Variants in MINDY4 observed in about 807,000 individuals in gnomAD.
MINDY4 encodes the protein probable ubiquitin carboxyl-terminal hydrolase MINDY-4.
MINDY4 carries 68 observed loss-of-function variants against 87.0 expected under a neutral mutation model. The ratio of observed to expected loss-of-function variants is 0.78; its 90% CI spans 0.64 to 0.96. The LOEUF (loss-of-function observed/expected upper bound fraction) is 0.96. MINDY4 is among the 40% of genes least tolerant of loss of function. The pLI, the probability that MINDY4 is intolerant of heterozygous loss-of-function variation, is 0.00. For missense variants in MINDY4, 919 were observed against 928.2 expected, an observed-to-expected ratio of 0.99 and a Z score of 0.13; for synonymous variants, 379 against 363.2, an observed-to-expected ratio of 1.04 and a Z score of -0.50.
At chr7:30,841,148 C>T (rs368120864) in intron 9 of MINDY4, among the ~76,000 whole-genome samples, 3 of 152,190 alleles carry the variant, frequency 2.0e-5, no homozygotes, top group African/African-American at 4.8e-5. Context: ...CGAATCCCTT[C>T]CACCCACCAG....
chr7:30,794,613 C>T (rs1003971166), intron 5 of MINDY4, among the ~76,000 whole-genome samples: 5 of 152,194 alleles, frequency 3.3e-5, no homozygotes, highest in Non-Finnish European at 7.3e-5. Context: ...GATCTGACTC[C>T]GGGAGCTGAA....
Position 30,892,067 on chromosome 7 carries a change from C to T in MINDY4, c.*62C>T, listed in dbSNP as rs1168098629. On this transcript the variant is annotated 3_prime_UTR_variant, in exon 18 of 18. Transcript: ENST00000265299. ...ATCACCTCATCACCGAGGATGACAGCTGAACCCCAAGCCTCTGGGGCAGGT... is the reference window on the plus strand; with the variant it reads ...ATCACCTCATCACCGAGGATGACAGTTGAACCCCAAGCCTCTGGGGCAGGT... The T allele has an allele frequency of 7.0e-6, 11 of 1,579,956 alleles. No individual in the cohort carries two copies. The highest frequency in any genetic ancestry group is 6.1e-6 in the Non-Finnish European group (7 of 1,149,226).
At chr7:30,773,971 A>C (rs1241744201) in intron 1 of MINDY4, among the ~76,000 whole-genome samples, 3 of 152,194 alleles carry the variant, frequency 2.0e-5, no homozygotes, top group Non-Finnish European at 4.4e-5. Flanking sequence ...CTCTTCTGAC[A>C]GTAAAATTCC....
chr7:30,884,851 G>A (rs1021799686), intron 17 of MINDY4, among the ~76,000 whole-genome samples: 3 of 151,290 alleles, frequency 2.0e-5, no homozygotes, highest in African/African-American at 7.4e-5. Context: ...CTTAGTCCAT[G>A]CAGAGTGAGA....
At chr7:30,860,700 G>A (rs1340946762) in intron 13 of MINDY4, among the ~76,000 whole-genome samples, 2 of 152,074 alleles carry the variant, frequency 1.3e-5, no homozygotes, top group Non-Finnish European at 2.9e-5. Flanking sequence ...CTGGGAGTGG[G>A]CGCCTTGTTA....
At chr7:30,829,226 C>T (rs1478436646) in intron 6 of MINDY4, among the ~76,000 whole-genome samples, 1 of 152,230 alleles carries the variant, frequency 6.6e-6, no homozygotes, top group African/African-American at 2.4e-5. Flanking sequence ...ATCTGTGTAA[C>T]TGCTCTCTAA....
chr7:30,795,101 C>T (rs760789693), intron 5 of MINDY4, among the ~76,000 whole-genome samples: 9 of 152,242 alleles, frequency 5.9e-5, no homozygotes, highest in Admixed American at 4.6e-4. Flanking sequence ...CACAGCCCTC[C>T]GTTGGGGTGT....
intron 5 of MINDY4, among the ~76,000 whole-genome samples, chr7:30,798,689 G>A (rs1216728456): frequency 6.6e-6 from 1 of 152,056 alleles, no homozygotes; most frequent in East Asian, 1.9e-4. Flanking sequence ...TAGTAGAGAC[G>A]GGGTTTCACC....
chr7:30,778,474 C>A lies in MINDY4; in HGVS notation c.106C>A (p.Arg36Ser), dbSNP rs188045001. The change falls in exon 2 of 18, where the codon CGC becomes AGC. Residue 36 changes from arginine to serine, a missense_variant. Transcript: ENST00000265299. ...TGTGACCATGGACCAGGAACGCCCA[C>A]GCTCTGACCTCAGCATAAACAACAG... ...TCVTMDQERPRSDLSINNRND... is the reference protein window; with the variant it reads ...TCVTMDQERPSSDLSINNRND... The A allele has an allele frequency of 2.5e-6, 4 of 1,614,092 alleles. No individual in the cohort carries two copies. In the African/African-American group the frequency reaches 5.3e-5, roughly 22 times the overall value.
At chr7:30,819,892 A>ATTTTTTT (rs60124746) in intron 5 of MINDY4, among the ~76,000 whole-genome samples, 2 of 96,660 alleles carry the variant, frequency 2.1e-5, no homozygotes, top group African/African-American at 5.2e-5. Flanking sequence ...CATATAGATA[A>ATTTTTTT]TTTTTTTTTT....
At chr7:30,835,640 T>C (rs1788835042) in intron 6 of MINDY4, among the ~76,000 whole-genome samples, 1 of 152,146 alleles carries the variant, frequency 6.6e-6, no homozygotes, top group Admixed American at 6.5e-5. Context: ...GCATAAGATA[T>C]AAGCTGTGTG....
intron 13 of MINDY4, among the ~76,000 whole-genome samples, chr7:30,867,748 G>C (rs1265752027): frequency 6.6e-6 from 1 of 152,220 alleles, no homozygotes; most frequent in African/African-American, 2.4e-5. Flanking sequence ...TGGCAAGCAG[G>C]AGCTGGCCTG....
chr7:30,838,940 T>C (rs1463183076), intron 7 of MINDY4, among the ~76,000 whole-genome samples: 1 of 152,194 alleles, frequency 6.6e-6, no homozygotes. Flanking sequence ...GTAAGGAGCT[T>C]ACAAAGATTT....
intron 7 of MINDY4, 37 bp from the exon 8 acceptor site, chr7:30,839,163 T>C: frequency 4.9e-6 from 7 of 1,441,770 alleles, no homozygotes; most frequent in Non-Finnish European, 6.7e-6. Context: ...TTGCTTGCTT[T>C]TAAAACAACC....
intron 17 of MINDY4, among the ~76,000 whole-genome samples, chr7:30,890,538 G>A (rs1428113109): frequency 1.3e-5 from 2 of 152,274 alleles, no homozygotes; most frequent in African/African-American, 4.8e-5. Context: ...TCATTCAAAG[G>A]GAAATGGAAT....
rs1790231141 is a variant in MINDY4 at position 30,875,512 on chromosome 7, C to T, written c.1827C>T (p.Leu609=). The part of the protein sequence containing the change: ...GYCTQELVNL[L]LTGKAVSNVF... ...ATCTGCAGGAACTTGTCAATCTGCT[C>T]CTGACTGGGAAAGCTGTGTCCAACG... The change falls in exon 15 of 18, where the codon CTC becomes CTT. Residue 609 remains leucine (L), a synonymous_variant. Transcript: ENST00000265299. 6.2e-7 allele frequency: 1 copy of T among 1,614,212 alleles called. No homozygotes were observed. Among genetic ancestry groups the T allele is most frequent in the South Asian group, 1.1e-5 (1 of 91,076 alleles).
Position 30,771,569 on chromosome 7 carries a change from C to A in MINDY4, c.63+13C>A. On this transcript the variant is annotated intron_variant, in intron 1 of 17. Coordinates refer to ENST00000265299, the MANE Select transcript of MINDY4 (RefSeq NM_032222.3). ...CCTCAGCAGAAAGGTAACGGCTCGCCCCCTCCAAAGCCCAGGAAGTGGCTC... is the reference window on the plus strand; with the variant it reads ...CCTCAGCAGAAAGGTAACGGCTCGCACCCTCCAAAGCCCAGGAAGTGGCTC... The A allele has an allele frequency of 6.3e-7, 1 of 1,583,112 alleles. No homozygotes were observed. Among genetic ancestry groups the A allele is most frequent in the Non-Finnish European group, 8.6e-7 (1 of 1,165,538 alleles).
intron 4 of MINDY4, chr7:30,786,199 C>A (rs766532086): frequency 1.0e-4 from 61 of 611,420 alleles, no homozygotes; most frequent in Middle Eastern, 8.8e-4. Context: ...CTTTCCTGCC[C>A]TTAGCTTACC....
intron 13 of MINDY4, among the ~76,000 whole-genome samples, chr7:30,870,974 C>T (rs1313892537): frequency 6.7e-6 from 1 of 150,284 alleles, no homozygotes; most frequent in Non-Finnish European, 1.5e-5. Context: ...GTGTGCCTCT[C>T]AGGGTAATGT....
Sources: gnomAD v4.1 joint callset for allele counts (sites outside exome capture counted in the v4.1 genomes callset) on GRCh38, gnomAD v4.1.1 for gene constraint, MANE v1.5 for transcripts, NCBI Gene and HGNC (gene_info 2026-07-23, HGNC 2026-07-21) for gene names.